TNFSF4: variants seen among roughly 807,000 people sequenced by gnomAD.
TNFSF4 encodes tumor necrosis factor ligand superfamily member 4.
In TNFSF4, 4 loss-of-function variants were observed where a neutral mutation model predicts 7.3. That is an observed-to-expected ratio of 0.55 (90% confidence interval 0.27 to 1.25). The LOEUF (loss-of-function observed/expected upper bound fraction) is 1.25, where lower values mean the gene tolerates loss of function less well. Ranked by LOEUF, TNFSF4 falls within the 50% of genes most tolerant of loss-of-function variation. The pLI is 0.12. For synonymous variants in TNFSF4, 76 were observed against 83.7 expected (o/e 0.91, Z 0.50); for missense variants, 181 against 208.8 (o/e 0.87, Z 0.82).
chr1:173,310,447 G>A, the TNFSF4 span, among the ~76,000 whole-genome samples: 4 of 151,910 alleles, frequency 2.6e-5, no homozygotes, highest in South Asian at 8.3e-4. Context: ...ACAACATACA[G>A]GGATTTTTCA....
the TNFSF4 span, among the ~76,000 whole-genome samples, chr1:173,431,120 T>C: frequency 2.0e-5 from 3 of 152,362 alleles, no homozygotes; most frequent in South Asian, 6.2e-4. Context: ...GTTATTTGTA[T>C]TGTTAAATTA....
At chr1:173,208,734 T>G (rs1206105368), upstream of TNFSF4, among the ~76,000 whole-genome samples, 1 of 151,902 alleles carries the variant, frequency 6.6e-6, no homozygotes, top group African/African-American at 2.4e-5. Flanking sequence ...AGAAAAAAGC[T>G]GAAGGAAAAA....
the TNFSF4 span, among the ~76,000 whole-genome samples, chr1:173,277,397 C>A: frequency 6.6e-6 from 1 of 152,080 alleles, no homozygotes; most frequent in East Asian, 1.9e-4. Context: ...ACCTGTGTAG[C>A]CTTTCTAACC....
At chr1:173,194,635 C>G (rs1440773872) in intron 1 of TNFSF4, among the ~76,000 whole-genome samples, 1 of 152,096 alleles carries the variant, frequency 6.6e-6, no homozygotes, top group Admixed American at 6.5e-5. Flanking sequence ...GTAATCCCAG[C>G]ACTTTGGGAG....
At chr1:173,179,520 A>G (rs1649014320), downstream of TNFSF4, among the ~76,000 whole-genome samples, 2 of 152,152 alleles carry the variant, frequency 1.3e-5, no homozygotes, top group Non-Finnish European at 2.9e-5. Context: ...CACCCCTTTA[A>G]TCATACCTAA....
chr1:173,196,176 A>T (rs1649690734), intron 1 of TNFSF4, among the ~76,000 whole-genome samples: 1 of 152,326 alleles, frequency 6.6e-6, no homozygotes, highest in Non-Finnish European at 1.5e-5. Flanking sequence ...ACGGAAGTTC[A>T]GAATTCCACC....
chr1:173,255,509 C>T, the TNFSF4 span, among the ~76,000 whole-genome samples: 1 of 152,218 alleles, frequency 6.6e-6, no homozygotes, highest in South Asian at 2.1e-4. Flanking sequence ...AATGTTACCA[C>T]ATTGCCAAGT....
chr1:173,390,750 C>CT, the TNFSF4 span, among the ~76,000 whole-genome samples: 9,317 of 127,554 alleles, frequency 0.073, 559 homozygotes, highest in East Asian at 0.28. Context: ...TTTTTTTTTT[C>CT]TTTTTTTTTT....
chr1:173,430,825 A>T, the TNFSF4 span, among the ~76,000 whole-genome samples: 1 of 152,050 alleles, frequency 6.6e-6, no homozygotes, highest in Non-Finnish European at 1.5e-5. Flanking sequence ...AACATAAGAC[A>T]CTCTTCCTCC....
chr1:173,236,654 A>G, the TNFSF4 span, among the ~76,000 whole-genome samples: 2 of 152,176 alleles, frequency 1.3e-5, no homozygotes, highest in Admixed American at 6.5e-5. Flanking sequence ...TTATCTAGCC[A>G]TAAAACCAAT....
the TNFSF4 span, among the ~76,000 whole-genome samples, chr1:173,401,133 A>T: frequency 6.6e-6 from 1 of 152,172 alleles, no homozygotes. Context: ...TTTACATCGT[A>T]GTGTTTAAGT....
chr1:173,264,190 C>G, the TNFSF4 span, among the ~76,000 whole-genome samples: 4 of 152,058 alleles, frequency 2.6e-5, no homozygotes, highest in Non-Finnish European at 5.9e-5. Context: ...GTCACCCAGG[C>G]TGAAGTACAA....
At chr1:173,322,915 C>T in the TNFSF4 span, among the ~76,000 whole-genome samples, 33 of 152,332 alleles carry the variant, frequency 2.2e-4, no homozygotes. Context: ...GAGCCCACCA[C>T]AGCTCAAGGA....
At chr1:173,369,837 CTTTT>C in the TNFSF4 span, among the ~76,000 whole-genome samples, 2 of 151,054 alleles carry the variant, frequency 1.3e-5, no homozygotes, top group African/African-American at 2.4e-5. Flanking sequence ...TATGTCCAAG[CTTTT>C]TTTTTCACTG....
chr1:173,415,979 G>C, the TNFSF4 span, among the ~76,000 whole-genome samples: 1 of 152,210 alleles, frequency 6.6e-6, no homozygotes, highest in African/African-American at 2.4e-5. Context: ...GGGACTGCCA[G>C]GTCCACCGGG....
At chr1:173,317,441 G>A in the TNFSF4 span, among the ~76,000 whole-genome samples, 10 of 152,166 alleles carry the variant, frequency 6.6e-5, no homozygotes, top group Non-Finnish European at 1.2e-4. Context: ...GATTAACAAC[G>A]GAGAGTCAAA....
the TNFSF4 span, among the ~76,000 whole-genome samples, chr1:173,445,284 G>A: frequency 6.6e-6 from 1 of 152,208 alleles, no homozygotes; most frequent in South Asian, 2.1e-4. Context: ...ACAGGATTAA[G>A]TTTCTCATTT....
At chr1:173,241,771 C>T in the TNFSF4 span, among the ~76,000 whole-genome samples, 3 of 152,240 alleles carry the variant, frequency 2.0e-5, no homozygotes, top group South Asian at 6.2e-4. Context: ...ATGGGGTGAC[C>T]CTTGTTTCCT....
At chr1:173,205,560 T>A (rs1022268568) in intron 1 of TNFSF4, 6 of 1,290,478 alleles carry the variant, frequency 4.6e-6, no homozygotes, top group Non-Finnish European at 5.9e-6. Flanking sequence ...CTGTGTTTTA[T>A]CATCCCATGG....
Sources: gnomAD v4.1 joint callset for allele counts (sites outside exome capture counted in the v4.1 genomes callset) on GRCh38, gnomAD v4.1.1 for gene constraint, MANE v1.5 for transcripts, NCBI Gene and HGNC (gene_info 2026-07-23, HGNC 2026-07-21) for gene names.